ADAMTS14: variants seen among roughly 807,000 people sequenced by gnomAD.
ADAMTS14 encodes ADAM metallopeptidase with thrombospondin type 1 motif 14, also known as A disintegrin and metalloproteinase with thrombospondin motifs 14.
ADAMTS14 carries 100 observed loss-of-function variants against 128.6 expected under a neutral mutation model. The observed-to-expected ratio is 0.78, with a 90% CI of 0.66 to 0.92. The LOEUF is 0.92. Ranked by LOEUF, ADAMTS14 falls within the 40% of genes least tolerant of loss-of-function variation. The pLI is 0.00. For missense variants in ADAMTS14, 1,562 were observed against 1,658.6 expected (o/e 0.94, Z 1.01); for synonymous variants, 665 against 653.8 (o/e 1.02, Z -0.26).
intron 2 of ADAMTS14, among the ~76,000 whole-genome samples, chr10:70,688,725 C>G (rs1358221048): frequency 1.1e-5 from 1 of 90,150 alleles, no homozygotes; most frequent in Non-Finnish European, 2.6e-5. Context: ...GGCGTGGCGG[C>G]GCGTGCCTGC....
At chr10:70,741,427 G>T (rs1263666538) in intron 12 of ADAMTS14, among the ~76,000 whole-genome samples, 1 of 152,246 alleles carries the variant, frequency 6.6e-6, no homozygotes, top group Non-Finnish European at 1.5e-5. Context: ...TGCAAGGAAA[G>T]TGTCTTGAGG....
At chr10:70,697,732 G>A (rs1052596719) in intron 2 of ADAMTS14, among the ~76,000 whole-genome samples, 5 of 151,906 alleles carry the variant, frequency 3.3e-5, no homozygotes, top group African/African-American at 1.2e-4. Flanking sequence ...CTCCCTAGTT[G>A]CCACGTGACC....
At position 70,734,214 on chromosome 10, in the gene ADAMTS14, T is replaced by C. The variant is rs532187503; in HGVS notation, c.1352+186T>C. 3.3e-5 allele frequency among the ~76,000 whole-genome samples: 5 copies of C among 152,340 alleles called. No individual in the cohort carries two copies. In the East Asian group the frequency reaches 7.7e-4, roughly 24 times the overall value. On this transcript the variant is annotated intron_variant, in intron 8 of 21. Transcript: ENST00000373207. ...TAGCATAGCAGGTGGGTTAGTCTAG[T>C]GTTTCAGAACGTGTTCAGGTGACCA...
chr10:70,685,135 T>C (rs796189058), intron 2 of ADAMTS14, among the ~76,000 whole-genome samples: 8 of 151,874 alleles, frequency 5.3e-5, no homozygotes, highest in African/African-American at 1.9e-4. Context: ...CTGGTGAGAG[T>C]GATGGGGGCT....
At chr10:70,748,233 G>A (rs967740230) in intron 15 of ADAMTS14, among the ~76,000 whole-genome samples, 3 of 152,200 alleles carry the variant, frequency 2.0e-5, no homozygotes, top group African/African-American at 7.2e-5. Context: ...ATTCGGGACT[G>A]GGTCTGGACA....
At chr10:70,727,317 CT>C (rs1841469799) in intron 4 of ADAMTS14, among the ~76,000 whole-genome samples, 1 of 152,206 alleles carries the variant, frequency 6.6e-6, no homozygotes, top group Non-Finnish European at 1.5e-5. Flanking sequence ...GTTGGAAGTG[CT>C]ATTACTCTTC....
chr10:70,692,044 G>C (rs939573107), intron 2 of ADAMTS14, among the ~76,000 whole-genome samples: 1 of 151,918 alleles, frequency 6.6e-6, no homozygotes, highest in Non-Finnish European at 1.5e-5. Flanking sequence ...AGCCCTGGAT[G>C]CACGTCTGAA....
rs762148767 is a variant in ADAMTS14, at chr10:70,744,129, G to A, written c.2122G>A (p.Gly708Ser). The change falls in exon 14 of 22, where the codon GGT (glycine) becomes AGT (serine). Residue 708 changes from glycine (G) to serine (S), a missense_variant. By Grantham distance (56) the Gly-to-Ser change is moderately conservative. Coordinates refer to ENST00000373207, the MANE Select transcript of ADAMTS14 (RefSeq NM_080722.4). ...KADDKCGVCG[G>S]DNSHCRTVKG... The stretch of plus-strand genomic sequence containing the variant: ...GGATGACAAGTGTGGAGTCTGCGGG[G>A]GTGACAACTCCCACTGCAGGACTGT... 1.4e-5 allele frequency: 22 copies of A among 1,561,380 alleles called. No homozygotes were observed. The highest frequency in any genetic ancestry group is 1.7e-5 in the Non-Finnish European group (20 of 1,152,782).
intron 2 of ADAMTS14, among the ~76,000 whole-genome samples, chr10:70,677,901 C>T (rs533126008): frequency 5.3e-4 from 81 of 152,238 alleles, no homozygotes; most frequent in Non-Finnish European, 9.1e-4. Context: ...TAAGATTGAA[C>T]TCTGCATCTT....
chr10:70,732,503 T>G, intron 7 of ADAMTS14, 144 bp downstream of exon 7: 2 of 709,022 alleles, frequency 2.8e-6, no homozygotes, highest in Non-Finnish European at 4.7e-6. Flanking sequence ...CACTGCGGCA[T>G]GGCCTCCTGC....
chr10:70,707,670 G>A (rs900269083), intron 3 of ADAMTS14, among the ~76,000 whole-genome samples: 1 of 152,228 alleles, frequency 6.6e-6, no homozygotes, highest in African/African-American at 2.4e-5. Context: ...CACATGAGAA[G>A]CTACTTAACA....
intron 5 of ADAMTS14, 93 bp from the exon 6 acceptor site, chr10:70,730,009 A>T: frequency 1.4e-6 from 2 of 1,443,280 alleles, no homozygotes; most frequent in Non-Finnish European, 1.9e-6. Flanking sequence ...TCTGGGCCTT[A>T]GCGTTCCCAT....
intron 2 of ADAMTS14, among the ~76,000 whole-genome samples, chr10:70,686,291 T>TTTTTA (rs5785999): frequency 6.4e-5 from 9 of 140,060 alleles, no homozygotes; most frequent in Non-Finnish European, 1.1e-4. Flanking sequence ...TTTTTTTTTT[T>TTTTTA]AATTTATTTT....
At chr10:70,701,706 A>G (rs1467548363) in intron 2 of ADAMTS14, among the ~76,000 whole-genome samples, 1 of 152,230 alleles carries the variant, frequency 6.6e-6, no homozygotes, top group Non-Finnish European at 1.5e-5. Context: ...CATTAGATTA[A>G]AAACATGCAT....
intron 4 of ADAMTS14, among the ~76,000 whole-genome samples, chr10:70,728,353 G>A (rs1841510652): frequency 3.9e-5 from 6 of 152,238 alleles, no homozygotes; most frequent in Admixed American, 3.9e-4. Context: ...CTGACTAATA[G>A]TAGTGTCGGT....
intron 2 of ADAMTS14, among the ~76,000 whole-genome samples, chr10:70,684,918 T>C (rs1320719185): frequency 6.6e-6 from 1 of 152,230 alleles, no homozygotes; most frequent in Non-Finnish European, 1.5e-5. Context: ...CAGTTTTACC[T>C]CCCTTGTCTC....
Position 70,732,378 on chromosome 10 carries a change from G to T in ADAMTS14, c.1208+19G>T. The T allele has an allele frequency of 4.4e-6, 7 of 1,599,078 alleles. No homozygotes were observed. Among genetic ancestry groups the T allele is most frequent in the Non-Finnish European group, 6.0e-6 (7 of 1,167,164 alleles). The stretch of plus-strand genomic sequence containing the variant: ...GCCACGTGTAAGTGGCAGCAGCACG[G>T]TGGGTGGGACTGGCAGCTGTGCCGT... On this transcript the variant is annotated intron_variant, in intron 7 of 21. Coordinates refer to ENST00000373207, the MANE Select transcript of ADAMTS14 (RefSeq NM_080722.4).
chr10:70,708,807 G>A, intron 4 of ADAMTS14, 29 bp downstream of exon 4: 2 of 1,498,510 alleles, frequency 1.3e-6, no homozygotes, highest in South Asian at 1.3e-5. Context: ...TAGGACTTGG[G>A]GGGAGTGGGG....
intron 2 of ADAMTS14, among the ~76,000 whole-genome samples, chr10:70,683,691 G>A (rs946740782): frequency 6.6e-6 from 1 of 152,218 alleles, no homozygotes; most frequent in South Asian, 2.1e-4. Flanking sequence ...CTCTGTGGGT[G>A]GGCTGGCTGG....
Sources: gnomAD v4.1 joint callset for allele counts (sites outside exome capture counted in the v4.1 genomes callset) on GRCh38, gnomAD v4.1.1 for gene constraint, MANE v1.5 for transcripts, NCBI Gene and HGNC (gene_info 2026-07-23, HGNC 2026-07-21) for gene names.